The following SLC35F1 variants were observed in gnomAD, a reference collection of about 807,000 sequenced individuals.
The protein encoded by SLC35F1 is solute carrier family 35 member F1.
Under a neutral mutation model 48.7 loss-of-function variants are expected in SLC35F1, and 14 were observed. The observed-to-expected ratio is 0.29, with a 90% CI of 0.19 to 0.45. The LOEUF is 0.45. Ranked by LOEUF, SLC35F1 falls within the 20% of genes least tolerant of loss-of-function variation. The pLI, the probability that SLC35F1 is intolerant of heterozygous loss-of-function variation, is 1.00. For synonymous variants in SLC35F1, 190 were observed against 202.2 expected, an observed-to-expected ratio of 0.94 and a Z score of 0.51; for missense variants, 404 against 500.0, an observed-to-expected ratio of 0.81 and a Z score of 1.83.
intron 1 of SLC35F1, among the ~76,000 whole-genome samples, chr6:118,105,961 A>G (rs1300513337): frequency 6.6e-6 from 1 of 152,156 alleles, no homozygotes; most frequent in Non-Finnish European, 1.5e-5. Context: ...TAATCAGCTC[A>G]TTGTCCCAGA....
chr6:117,992,611 G>T (rs556498049), intron 1 of SLC35F1, among the ~76,000 whole-genome samples: 2 of 152,318 alleles, frequency 1.3e-5, no homozygotes, highest in Non-Finnish European at 2.9e-5. Context: ...CTGACTGAGA[G>T]AAATTGCTGA....
intron 1 of SLC35F1, among the ~76,000 whole-genome samples, chr6:118,080,595 G>T (rs940614366): frequency 1.3e-5 from 2 of 152,176 alleles, no homozygotes; most frequent in African/African-American, 4.8e-5. Context: ...ATTTCTGATG[G>T]CTTTGCTGTG....
At chr6:118,176,621 G>C (rs1774492338) in intron 2 of SLC35F1, among the ~76,000 whole-genome samples, 2 of 152,082 alleles carry the variant, frequency 1.3e-5, no homozygotes, top group Middle Eastern at 3.4e-3. Flanking sequence ...AGACATTTTG[G>C]TATATATATT....
At chr6:118,304,612 T>C (rs1582779928) in intron 7 of SLC35F1, among the ~76,000 whole-genome samples, 1 of 152,192 alleles carries the variant, frequency 6.6e-6, no homozygotes, top group South Asian at 2.1e-4. Context: ...CTGAGGAAGA[T>C]TTTTATACCA....
intron 3 of SLC35F1, among the ~76,000 whole-genome samples, chr6:118,245,144 G>A (rs889932429): frequency 7.9e-5 from 12 of 152,206 alleles, no homozygotes; most frequent in African/African-American, 2.4e-4. Flanking sequence ...GATGTCCAAA[G>A]AAACTGTACT....
chr6:117,958,392 C>T (rs571461830), intron 1 of SLC35F1, among the ~76,000 whole-genome samples: 146 of 152,184 alleles, frequency 9.6e-4, no homozygotes, highest in African/African-American at 3.4e-3. Context: ...TGGTCTACAG[C>T]GGTGCATAAT....
chr6:117,922,541 A>AT (rs1482921691), intron 1 of SLC35F1, among the ~76,000 whole-genome samples: 1 of 152,200 alleles, frequency 6.6e-6, no homozygotes, highest in African/African-American at 2.4e-5. Context: ...TACAAGTGCA[A>AT]TTTTGCTACA....
intron 2 of SLC35F1, among the ~76,000 whole-genome samples, chr6:118,177,968 G>T (rs564482341): frequency 2.0e-5 from 3 of 152,082 alleles, no homozygotes; most frequent in African/African-American, 7.2e-5. Context: ...TACCTGCCGT[G>T]GTAGTACTGA....
In SLC35F1 at chr6:118,053,758, C is replaced by T. The variant is rs180972429; in HGVS notation, c.174-100687C>T. Among the ~76,000 whole-genome samples the T allele has an allele frequency of 1.5e-3, 227 of 152,140 alleles. 1 individual carries two copies. The highest frequency in any genetic ancestry group is 5.1e-3 in the African/African-American group (211 of 41,542). On this transcript the variant is annotated intron_variant, in intron 1 of 7. Coordinates refer to ENST00000360388, the MANE Select transcript of SLC35F1 (RefSeq NM_001029858.4). Reference sequence around the variant, plus strand: ...CTTTTTAGGGTTTTTATTTTTTGCACTGTAAATGTTTATTATGTAATAAAC... The same window carrying T: ...CTTTTTAGGGTTTTTATTTTTTGCATTGTAAATGTTTATTATGTAATAAAC...
chr6:118,058,404 T>C (rs985189523), intron 1 of SLC35F1, among the ~76,000 whole-genome samples: 15 of 152,226 alleles, frequency 9.9e-5, no homozygotes, highest in African/African-American at 3.6e-4. Flanking sequence ...TATTTCTGTC[T>C]TATTTCCAGA....
intron 2 of SLC35F1, among the ~76,000 whole-genome samples, chr6:118,179,736 T>A (rs1418052492): frequency 6.6e-6 from 1 of 152,132 alleles, no homozygotes; most frequent in Non-Finnish European, 1.5e-5. Flanking sequence ...AGGCTTTTTT[T>A]AAAGCATAAC....
intron 1 of SLC35F1, among the ~76,000 whole-genome samples, chr6:118,074,646 A>G (rs1772791768): frequency 6.6e-6 from 1 of 152,196 alleles, no homozygotes; most frequent in Non-Finnish European, 1.5e-5. Context: ...ACTTTAAGAC[A>G]GGTAGATTTT....
intron 1 of SLC35F1, among the ~76,000 whole-genome samples, chr6:117,932,181 C>T (rs959371543): frequency 2.4e-4 from 36 of 152,138 alleles, no homozygotes; most frequent in Admixed American, 6.6e-5. Context: ...CAGAGAGCAG[C>T]GCTCACTAGA....
intron 2 of SLC35F1, 149 bp from the exon 3 acceptor site, chr6:118,235,360 G>T (rs1775348164): frequency 1.3e-6 from 1 of 774,624 alleles, no homozygotes; most frequent in Non-Finnish European, 1.9e-6. Context: ...AAAACATGTG[G>T]GTATCTGATA....
chr6:118,109,414 T>G (rs1472967285), intron 1 of SLC35F1, among the ~76,000 whole-genome samples: 1 of 152,200 alleles, frequency 6.6e-6, no homozygotes, highest in Admixed American at 6.6e-5. Context: ...GCCTTTATTC[T>G]TTCCCATGCT....
At chr6:117,992,359 T>C (rs1203718539) in intron 1 of SLC35F1, among the ~76,000 whole-genome samples, 2 of 152,216 alleles carry the variant, frequency 1.3e-5, no homozygotes, top group African/African-American at 4.8e-5. Flanking sequence ...TATTCTTTAT[T>C]AATATTCTAA....
At chr6:118,225,906 G>C (rs2114569793) in intron 2 of SLC35F1, among the ~76,000 whole-genome samples, 1 of 148,876 alleles carries the variant, frequency 6.7e-6, no homozygotes, top group Admixed American at 6.7e-5. Flanking sequence ...CACAGCAAAG[G>C]AAACAATTAA....
In SLC35F1 at chr6:118,003,428, G is replaced by A. The variant is rs150468323; in HGVS notation, c.173+95529G>A. On this transcript the variant is annotated intron_variant, in intron 1 of 7. Coordinates refer to ENST00000360388, the MANE Select transcript of SLC35F1 (RefSeq NM_001029858.4). ...GTTGGTTCTGGTCCTGGTTCCCATG[G>A]CAACCTGCCGGCTGTGGTCTTCGGA... is the stretch of plus-strand genomic sequence containing the variant. Among the ~76,000 whole-genome samples, 158 of 152,298 alleles carry A rather than the reference G, an allele frequency of 1.0e-3. 2 individuals are homozygous for A. The East Asian group carries it at 0.027, about 26-fold the overall frequency.
At chr6:118,234,034 A>T (rs889493238) in intron 2 of SLC35F1, among the ~76,000 whole-genome samples, 3 of 152,196 alleles carry the variant, frequency 2.0e-5, no homozygotes, top group Non-Finnish European at 4.4e-5. Context: ...AGACCACCTC[A>T]TTATCATGGT....
Sources: gnomAD v4.1 joint callset for allele counts (sites outside exome capture counted in the v4.1 genomes callset) on GRCh38, gnomAD v4.1.1 for gene constraint, MANE v1.5 for transcripts, NCBI Gene and HGNC (gene_info 2026-07-23, HGNC 2026-07-21) for gene names.